The following WWP2 variants were observed in gnomAD, a reference collection of about 807,000 sequenced individuals.
WWP2 encodes the protein NEDD4-like E3 ubiquitin-protein ligase WWP2.
Under a neutral mutation model 121.0 loss-of-function variants are expected in WWP2, and 57 were observed. The observed-to-expected ratio is 0.47, with a 90% CI of 0.38 to 0.59. WWP2 has a LOEUF of 0.59. Ranked by LOEUF, WWP2 falls within the 20% of genes least tolerant of loss-of-function variation. WWP2 has a pLI of 0.00. For synonymous variants in WWP2, 449 were observed against 441.3 expected (o/e 1.02, Z -0.22); for missense variants, 962 against 1,158.9 (o/e 0.83, Z 2.47).
intron 4 of WWP2, among the ~76,000 whole-genome samples, chr16:69,833,404 CT>C (rs11353651): frequency 0.12 from 18,469 of 151,978 alleles, 1,724 homozygotes; most frequent in African/African-American, 0.26. Flanking sequence ...GACCTTGGTT[CT>C]TTTTTTTCTC....
chr16:69,886,578 G>T (rs931341762), intron 7 of WWP2, among the ~76,000 whole-genome samples: 2 of 152,132 alleles, frequency 1.3e-5, no homozygotes, highest in African/African-American at 2.4e-5. Context: ...TGGCCAACAT[G>T]GTGAAACCCC....
At chr16:69,805,929 G>T (rs2056265945) in intron 4 of WWP2, among the ~76,000 whole-genome samples, 1 of 151,956 alleles carries the variant, frequency 6.6e-6, no homozygotes, top group Non-Finnish European at 1.5e-5. Flanking sequence ...GGGCACAGTG[G>T]CTCATACCTG....
chr16:69,917,158 A>G (rs1238613065), intron 9 of WWP2, among the ~76,000 whole-genome samples: 1 of 152,264 alleles, frequency 6.6e-6, no homozygotes, highest in Admixed American at 6.5e-5. Flanking sequence ...GTATTGGCTC[A>G]TGTAACTGAA....
At position 69,940,119 on chromosome 16, in the gene WWP2, G is replaced by C; in HGVS notation, c.*179G>C. 1.7e-6 allele frequency: 1 copy of C among 600,866 alleles called. No individual in the cohort carries two copies. Among genetic ancestry groups the C allele is most frequent in the Non-Finnish European group, 2.9e-6 (1 of 341,314 alleles). 37.2% of individuals were successfully genotyped at this position (600,866 alleles called of 1,614,324 possible). Reference sequence around the variant, plus strand: ...TCCCAGGAGGCCCTGCAGTTCCCCCGACCCGCGGATGGCAGTCTGGAATAA... The same window carrying C: ...TCCCAGGAGGCCCTGCAGTTCCCCCCACCCGCGGATGGCAGTCTGGAATAA... On this transcript the variant is annotated 3_prime_UTR_variant, in exon 24 of 24. Transcript: ENST00000359154.
At chr16:69,921,267 A>T (rs1005179020) in intron 10 of WWP2, among the ~76,000 whole-genome samples, 3 of 152,170 alleles carry the variant, frequency 2.0e-5, no homozygotes, top group Admixed American at 6.5e-5. Context: ...CCTGGTTACA[A>T]GTAAGAAGGG....
At chr16:69,936,973 G>GCAGCCT in intron 19 of WWP2, 145 bp from the exon 20 acceptor site, 1 of 1,156,546 alleles carries the variant, frequency 8.6e-7, no homozygotes, top group South Asian at 1.6e-5. Flanking sequence ...CCTCACTCTA[G>GCAGCCT]GTCCTCCAGC....
At chr16:69,834,116 C>T (rs1432931946) in intron 4 of WWP2, among the ~76,000 whole-genome samples, 1 of 152,238 alleles carries the variant, frequency 6.6e-6, no homozygotes, top group Non-Finnish European at 1.5e-5. Context: ...CTTCCTTGCT[C>T]AAAACCCTGT....
chr16:69,840,009 T>C lies in WWP2; in HGVS notation c.341-117T>C, dbSNP rs116653642. 2.6e-3 allele frequency: 3,762 copies of C among 1,429,232 alleles called. 61 individuals are homozygous for C. The African/African-American group carries it at 0.038, about 15-fold the overall frequency. The allele number at this position is 1,429,232 out of a possible 1,614,324, so 88.5% of individuals were successfully genotyped here. On this transcript the variant is annotated intron_variant, in intron 4 of 23. Coordinates refer to ENST00000359154, the MANE Select transcript of WWP2 (RefSeq NM_001270454.2). ...TGCCACGAGGCAAAATGTGAAGATG[T>C]GGAGAAAGCATTCCCAGAGAAGCCA...
Position 69,909,477 on chromosome 16 carries a change from G to T in WWP2, c.1004+627G>T, listed in dbSNP as rs974148006. 7.1e-6 allele frequency: 7 copies of T among 985,370 alleles called. No homozygotes were observed. The African/African-American group carries it at 1.2e-4, about 17-fold the overall frequency. The allele number at this position is 985,370 out of a possible 1,614,324, so 61.0% of individuals were successfully genotyped here. A position where few individuals can be genotyped will look rare whatever the true frequency, so the allele number is the denominator to read the frequency against. Reference sequence around the variant, plus strand: ...GAGCCCGTGTGCCCTGTTTGGTTCAGCTGTCAGGCGTGTGCCACACACATC... The same window carrying T: ...GAGCCCGTGTGCCCTGTTTGGTTCATCTGTCAGGCGTGTGCCACACACATC... On this transcript the variant is annotated intron_variant, in intron 9 of 23. Transcript: ENST00000359154.
intron 9 of WWP2, among the ~76,000 whole-genome samples, chr16:69,910,560 CCA>C (rs1212499159): frequency 6.6e-6 from 1 of 152,180 alleles, no homozygotes; most frequent in East Asian, 1.9e-4. Context: ...CAGGCGCCCG[CCA>C]CTATGCCCAA....
chr16:69,921,902 T>C (rs7192245), intron 10 of WWP2, among the ~76,000 whole-genome samples: 113,687 of 151,250 alleles, frequency 0.75, 43,504 homozygotes, highest in East Asian at 0.96. Context: ...GGTGAAACCC[T>C]GTCTCTACTA....
At chr16:69,926,785 C>G (rs1379771601) in intron 11 of WWP2, among the ~76,000 whole-genome samples, 1 of 152,204 alleles carries the variant, frequency 6.6e-6, no homozygotes, top group African/African-American at 2.4e-5. Flanking sequence ...TTGGCAGCAA[C>G]TCCAATGCGA....
At chr16:69,847,308 C>T (rs1044187346) in intron 6 of WWP2, among the ~76,000 whole-genome samples, 17 of 152,138 alleles carry the variant, frequency 1.1e-4, no homozygotes, top group African/African-American at 4.1e-4. Flanking sequence ...TGGTCTCAAA[C>T]TCCTGACTTC....
chr16:69,847,217 T>C (rs1298553513), intron 6 of WWP2, among the ~76,000 whole-genome samples: 1 of 152,062 alleles, frequency 6.6e-6, no homozygotes, highest in African/African-American at 2.4e-5. Flanking sequence ...CCAGAGTAGC[T>C]GGGACTACAG....
chr16:69,934,159 C>T (rs2058761263), intron 17 of WWP2, 30 bp downstream of exon 17: 4 of 1,610,798 alleles, frequency 2.5e-6, no homozygotes, highest in South Asian at 2.2e-5. Flanking sequence ...CTGCCTAGTT[C>T]CCTCCTCCTC....
At chr16:69,894,727 T>C (rs2058082188) in intron 8 of WWP2, among the ~76,000 whole-genome samples, 1 of 152,176 alleles carries the variant, frequency 6.6e-6, no homozygotes, top group Admixed American at 6.5e-5. Flanking sequence ...GTATCTGTTT[T>C]TTCTCAGCGC....
Position 69,930,197 on chromosome 16 carries a change from T to C in WWP2, c.1384T>C (p.Phe462Leu). The C allele has an allele frequency of 6.2e-7, 1 of 1,613,996 alleles. No individual in the cohort carries two copies. Among genetic ancestry groups the C allele is most frequent in the Non-Finnish European group, 8.5e-7 (1 of 1,179,930 alleles). The change falls in exon 13 of 24, where the codon TTT becomes CTT. Residue 462 changes from phenylalanine (F) to leucine (L), a missense_variant. Physicochemically the swap from Phe to Leu is conservative, Grantham distance 22 (BLOSUM62 0). Transcript: ENST00000359154. ...ATACACCAGCGAGGGGGTGCGATAC[T>C]TTGTGGACCACAATACCCGCACCAC... The part of the protein sequence containing the change: ...MKYTSEGVRY[F>L]VDHNTRTTTF...
intron 4 of WWP2, among the ~76,000 whole-genome samples, chr16:69,808,473 C>T (rs1422042901): frequency 6.6e-6 from 1 of 152,146 alleles, no homozygotes; most frequent in African/African-American, 2.4e-5. Context: ...GCAATCTTGG[C>T]TCACTGCAAC....
In WWP2 at chr16:69,939,281, G is replaced by T. The variant is rs1044684314; in HGVS notation, c.2441-60G>T. ...AGCCCATCTGTGGGTGGAGCCGGAG[G>T]ATCCTGCTTTGGGAAGGGACGTCTC... is the stretch of plus-strand genomic sequence containing the variant. On this transcript the variant is annotated intron_variant, in intron 22 of 23. Transcript: ENST00000359154. 8.7e-6 allele frequency: 14 copies of T among 1,605,774 alleles called. No individual in the cohort carries two copies. The African/African-American group carries it at 1.9e-4, about 21-fold the overall frequency.
Sources: gnomAD v4.1 joint callset for allele counts (sites outside exome capture counted in the v4.1 genomes callset) on GRCh38, gnomAD v4.1.1 for gene constraint, MANE v1.5 for transcripts, NCBI Gene and HGNC (gene_info 2026-07-23, HGNC 2026-07-21) for gene names.